HTR4: variants seen among roughly 807,000 people sequenced by gnomAD.
HTR4 encodes the protein 5-hydroxytryptamine (serotonin) receptor 4, G protein-coupled.
In HTR4, 16 loss-of-function variants were observed where a neutral mutation model predicts 36.8. The observed-to-expected ratio is 0.43, with a 90% confidence interval of 0.29 to 0.66. HTR4 has a LOEUF of 0.66. Among genes scored for constraint, HTR4 ranks in the 30% least tolerant of loss-of-function variants. The pLI, the probability that HTR4 is intolerant of heterozygous loss-of-function variation, is 0.13. For missense variants in HTR4, 438 were observed against 490.9 expected (o/e 0.89, Z 1.02); for synonymous variants, 189 against 185.1 (o/e 1.02, Z -0.17).
chr5:148,632,901 G>A (rs1337102119), intron 2 of HTR4, among the ~76,000 whole-genome samples: 1 of 152,130 alleles, frequency 6.6e-6, no homozygotes, highest in African/African-American at 2.4e-5. Flanking sequence ...ATTAAGTAGG[G>A]TGAGGCACCA....
At chr5:148,614,806 A>G (rs1236855533) in intron 2 of HTR4, among the ~76,000 whole-genome samples, 2 of 152,258 alleles carry the variant, frequency 1.3e-5, no homozygotes, top group African/African-American at 4.8e-5. Context: ...AATATCCAGA[A>G]TCTACAATGA....
intron 2 of HTR4, among the ~76,000 whole-genome samples, chr5:148,584,903 G>T (rs1418548158): frequency 2.0e-5 from 3 of 152,170 alleles, no homozygotes; most frequent in Non-Finnish European, 4.4e-5. Context: ...CAACAAAATG[G>T]AAGGCTAGAG....
downstream of HTR4, among the ~76,000 whole-genome samples, chr5:148,479,535 T>A (rs1755808911): frequency 6.6e-6 from 1 of 152,200 alleles, no homozygotes; most frequent in African/African-American, 2.4e-5. Flanking sequence ...ATATAATTTA[T>A]CAATTAAAAA....
intron 6 of HTR4, among the ~76,000 whole-genome samples, chr5:148,505,728 AACAG>A (rs1757164640): frequency 1.3e-5 from 2 of 152,168 alleles, no homozygotes; most frequent in Admixed American, 1.3e-4. Context: ...ATACACCAAT[AACAG>A]ACAAACAGAG....
At chr5:148,514,718 A>C (rs1376552861) in intron 5 of HTR4, among the ~76,000 whole-genome samples, 1 of 152,154 alleles carries the variant, frequency 6.6e-6, no homozygotes, top group Admixed American at 6.5e-5. Flanking sequence ...CTTGTTTTAT[A>C]GACTATTATA....
chr5:148,568,134 C>T (rs906843480), intron 2 of HTR4, among the ~76,000 whole-genome samples: 1 of 152,124 alleles, frequency 6.6e-6, no homozygotes, highest in Non-Finnish European at 1.5e-5. Context: ...TTCCTCAAGA[C>T]GTTATATATG....
chr5:148,478,273 C>A (rs771413890), downstream of HTR4, among the ~76,000 whole-genome samples: 1 of 152,182 alleles, frequency 6.6e-6, no homozygotes, highest in Non-Finnish European at 1.5e-5. Context: ...TCTAGAGATG[C>A]TCCAACATGG....
Position 148,598,797 on chromosome 5 carries a change from C to T in HTR4, c.26+38192G>A, listed in dbSNP as rs115317718. ...ATTGCCTGACTACTAGCCTTCCTTC[C>T]GCTAACAAAATTCATGTTGAAAGAA... is the stretch of plus-strand genomic sequence containing the variant. On this transcript the variant is annotated intron_variant, in intron 2 of 6. Coordinates refer to ENST00000377888, the MANE Select transcript of HTR4 (RefSeq NM_000870.7). 4.1e-3 allele frequency among the ~76,000 whole-genome samples: 627 copies of T among 152,146 alleles called. 2 individuals carry two copies. The highest frequency in any genetic ancestry group is 4.9e-3 in the Non-Finnish European group (332 of 68,006).
Position 148,509,939 on chromosome 5 carries a change from A to G in HTR4, c.593T>C (p.Val198Ala). ...GAGAAATGGGATGTAGAAGGCCACC[A>G]CAGAGCAGGTGATGGCGTAGGGCTT... ...VNKPYAITCS[V>A]VAFYIPFLLM... Residue 198 changes from valine (V) to alanine (A), a missense_variant, in exon 6 of 7, where the codon GTG (valine) becomes GCG (alanine). By Grantham distance (64) the Val-to-Ala change is moderately conservative. Transcript: ENST00000377888. 6.2e-7 allele frequency: 1 copy of G among 1,614,004 alleles called. No homozygotes were observed. The highest frequency in any genetic ancestry group is 8.5e-7 in the Non-Finnish European group (1 of 1,179,976).
At chr5:148,575,833 A>T (rs1360800057) in intron 2 of HTR4, among the ~76,000 whole-genome samples, 2 of 152,060 alleles carry the variant, frequency 1.3e-5, no homozygotes, top group Admixed American at 6.6e-5. Context: ...CAAGACAAGG[A>T]TGCCTTGTCT....
At chr5:148,521,112 C>A in intron 5 of HTR4, 2 of 1,021,058 alleles carry the variant, frequency 2.0e-6, no homozygotes, top group South Asian at 1.5e-5. Context: ...ACTTCTACAG[C>A]AAGTGCCTGA....
chr5:148,566,326 TA>T (rs1225050161), intron 2 of HTR4, among the ~76,000 whole-genome samples: 1 of 152,168 alleles, frequency 6.6e-6, no homozygotes, highest in Non-Finnish European at 1.5e-5. Flanking sequence ...TGACCTTTTT[TA>T]AAAAATTACA....
chr5:148,531,846 T>A (rs1758581116), intron 4 of HTR4, among the ~76,000 whole-genome samples: 1 of 152,252 alleles, frequency 6.6e-6, no homozygotes, highest in East Asian at 1.9e-4. Context: ...AGGTAAAAAA[T>A]TCCCTGTTGC....
chr5:148,538,665 C>T (rs1219819193), intron 4 of HTR4, among the ~76,000 whole-genome samples: 1 of 152,034 alleles, frequency 6.6e-6, no homozygotes, highest in Non-Finnish European at 1.5e-5. Flanking sequence ...TCCACCTAAC[C>T]AGGGAGGCGA....
intron 6 of HTR4, among the ~76,000 whole-genome samples, chr5:148,487,475 A>G (rs1413018059): frequency 1.3e-5 from 2 of 152,150 alleles, no homozygotes; most frequent in African/African-American, 4.8e-5. Context: ...AAAGGTCCAG[A>G]GGCTATGTGC....
chr5:148,462,125 G>C (rs1755293055), intron 5 of HTR4, among the ~76,000 whole-genome samples: 2 of 151,764 alleles, frequency 1.3e-5, no homozygotes, highest in Non-Finnish European at 2.9e-5. Flanking sequence ...AAAAGAAGAG[G>C]AAACTAAATT....
intron 6 of HTR4, among the ~76,000 whole-genome samples, chr5:148,495,787 G>A (rs1756657859): frequency 6.6e-6 from 1 of 152,158 alleles, no homozygotes. Flanking sequence ...TACCAGTTAA[G>A]TTAGATAAAG....
intron 1 of HTR4, among the ~76,000 whole-genome samples, chr5:148,647,528 G>A (rs1416082482): frequency 6.7e-6 from 1 of 150,012 alleles, no homozygotes; most frequent in Non-Finnish European, 1.5e-5. Context: ...TCCCCTTACA[G>A]GGGAGACAAA....
intron 2 of HTR4, among the ~76,000 whole-genome samples, chr5:148,608,087 C>T (rs1442102584): frequency 6.6e-6 from 1 of 152,078 alleles, no homozygotes; most frequent in South Asian, 2.1e-4. Flanking sequence ...CCAAATCTAT[C>T]CAAAAATACA....
Sources: allele counts gnomAD v4.1 joint callset (sites outside exome capture counted in the v4.1 genomes callset), GRCh38; gene constraint gnomAD v4.1.1; transcripts MANE v1.5; gene names NCBI Gene and HGNC (gene_info 2026-07-23, HGNC 2026-07-21).